BICC1: variants seen among roughly 807,000 people sequenced by gnomAD.
BICC1 encodes the protein protein bicaudal C homolog 1.
BICC1 carries 43 observed loss-of-function variants against 111.0 expected under a neutral mutation model. The observed-to-expected ratio is 0.39, with a 90% CI of 0.30 to 0.50. BICC1 has a LOEUF of 0.50. BICC1 is among the 20% of genes least tolerant of loss of function. The pLI, the probability that BICC1 is intolerant of heterozygous loss-of-function variation, is 0.88. For missense variants in BICC1, 1,091 were observed against 1,203.2 expected (o/e 0.91, Z 1.38); for synonymous variants, 467 against 434.4 (o/e 1.07, Z -0.93).
chr10:58,771,084 C>A (rs1393408395), intron 3 of BICC1, among the ~76,000 whole-genome samples: 1 of 152,106 alleles, frequency 6.6e-6, no homozygotes, highest in Non-Finnish European at 1.5e-5. Flanking sequence ...ATAGCCTATG[C>A]TAGAGATTGA....
rs557935049 is a variant in BICC1 at position 58,797,721 on chromosome 10, T to C, written c.1367-678T>C. On this transcript the variant is annotated intron_variant, in intron 10 of 20. Coordinates refer to ENST00000373886, the MANE Select transcript of BICC1 (RefSeq NM_001080512.3). ...CTTTATATGTATTCCTGGAAACTTG[T>C]ATACAAATCCACATTTCATTCTAGA... is the stretch of plus-strand genomic sequence containing the variant. Among the ~76,000 whole-genome samples, 278 of 152,336 alleles carry C rather than the reference T, an allele frequency of 1.8e-3. 1 individual carries two copies. Among genetic ancestry groups the C allele is most frequent in the Non-Finnish European group, 2.7e-3 (185 of 68,034 alleles).
intron 1 of BICC1, among the ~76,000 whole-genome samples, chr10:58,523,631 T>A (rs1450087869): frequency 2.0e-5 from 3 of 152,182 alleles, no homozygotes; most frequent in Non-Finnish European, 4.4e-5. Flanking sequence ...GCATTCCCTT[T>A]GAAAACTGGC....
At chr10:58,558,937 C>A (rs960728908) in intron 1 of BICC1, among the ~76,000 whole-genome samples, 4 of 151,994 alleles carry the variant, frequency 2.6e-5, no homozygotes, top group Admixed American at 2.6e-4. Flanking sequence ...TAATCACCTC[C>A]CAAAGTTCCA....
chr10:58,607,317 A>AAAATAAATAAATAAATAAATAAAT (rs370698110), intron 1 of BICC1, among the ~76,000 whole-genome samples: 22,210 of 134,448 alleles, frequency 0.17, 2,299 homozygotes, highest in African/African-American at 0.22. Context: ...ACTCTGTCTC[A>AAAATAAATAAATAAATAAATAAAT]AAATAAATAA....
intron 18 of BICC1, among the ~76,000 whole-genome samples, chr10:58,817,240 C>T (rs1195815934): frequency 6.6e-6 from 1 of 152,114 alleles, no homozygotes; most frequent in Non-Finnish European, 1.5e-5. Flanking sequence ...ATTTAATTCA[C>T]ATCCAATCAA....
chr10:58,734,983 GC>G (rs776697364), intron 3 of BICC1, among the ~76,000 whole-genome samples: 1 of 152,120 alleles, frequency 6.6e-6, no homozygotes, highest in African/African-American at 2.4e-5. Context: ...TAGTTGCCAT[GC>G]AAATTCTATT....
chr10:58,701,813 T>C (rs1840245259), intron 2 of BICC1, among the ~76,000 whole-genome samples: 1 of 152,160 alleles, frequency 6.6e-6, no homozygotes, highest in African/African-American at 2.4e-5. Flanking sequence ...GGTTTGTGTC[T>C]ATGTTAAAAT....
At chr10:58,645,428 A>G (rs1838240777) in intron 2 of BICC1, among the ~76,000 whole-genome samples, 1 of 151,394 alleles carries the variant, frequency 6.6e-6, no homozygotes, top group Non-Finnish European at 1.5e-5. Context: ...AAAAAAAAAA[A>G]AAAAAAAGAG....
intron 1 of BICC1, among the ~76,000 whole-genome samples, chr10:58,617,661 C>G (rs1322270419): frequency 6.6e-6 from 1 of 152,230 alleles, no homozygotes; most frequent in Non-Finnish European, 1.5e-5. Context: ...TGGTGATCAC[C>G]AAGGTGGTGA....
chr10:58,635,319 A>G (rs1156980142), intron 2 of BICC1, among the ~76,000 whole-genome samples: 2 of 152,238 alleles, frequency 1.3e-5, no homozygotes, highest in Non-Finnish European at 2.9e-5. Context: ...TGCATTTGTT[A>G]CAGAAATATG....
chr10:58,554,659 A>C (rs1387440659), intron 1 of BICC1, among the ~76,000 whole-genome samples: 3 of 152,084 alleles, frequency 2.0e-5, no homozygotes, highest in African/African-American at 7.2e-5. Context: ...TTTGTATAAT[A>C]AGAATTACTT....
chr10:58,596,992 A>G (rs539413498), intron 1 of BICC1, among the ~76,000 whole-genome samples: 40 of 152,366 alleles, frequency 2.6e-4, no homozygotes, highest in African/African-American at 8.9e-4. Context: ...AGTAATTTAT[A>G]CATTCAATGC....
chr10:58,785,633 C>T (rs560313523), intron 4 of BICC1, among the ~76,000 whole-genome samples: 12 of 152,138 alleles, frequency 7.9e-5, no homozygotes, highest in Non-Finnish European at 1.6e-4. Flanking sequence ...AATTTATACT[C>T]ATTTGTGAGA....
intron 3 of BICC1, among the ~76,000 whole-genome samples, chr10:58,738,648 G>T (rs2132592172): frequency 7.2e-6 from 1 of 139,194 alleles, no homozygotes; most frequent in Middle Eastern, 3.7e-3. Flanking sequence ...GCTTGATGGG[G>T]ATGGCATTGA....
chr10:58,658,024 G>GAT lies in BICC1; in HGVS notation c.237+37123_237+37124insAT, dbSNP rs139682846. 6.1e-4 allele frequency among the ~76,000 whole-genome samples: 3 copies of GAT among 4,936 alleles called. No individual in the cohort carries two copies. In the Admixed American group the frequency reaches 0.012, roughly 20 times the overall value. The allele number at this position is 4,936 out of a possible 152,430, so 3.2% of individuals were successfully genotyped here. Reference sequence around the variant, plus strand: ...TGTGTCAATCTGTCCTTCCACTAGTGGTAACTGTGATTACCTAACCAAGTT... The same window carrying GAT: ...TGTGTCAATCTGTCCTTCCACTAGTGATGTAACTGTGATTACCTAACCAAGTT... On this transcript the variant is annotated intron_variant, in intron 2 of 20. Transcript: ENST00000373886.
chr10:58,574,133 A>C (rs1844041382), intron 1 of BICC1, among the ~76,000 whole-genome samples: 1 of 152,116 alleles, frequency 6.6e-6, no homozygotes, highest in Admixed American at 6.6e-5. Context: ...CACTCCTGGG[A>C]GGAGGGTCAG....
Position 58,513,181 on chromosome 10 carries a change from A to G in BICC1, c.38A>G (p.Gln13Arg), listed in dbSNP as rs747643498. 3.8e-6 allele frequency: 6 copies of G among 1,581,266 alleles called. No individual in the cohort carries two copies. Among genetic ancestry groups the G allele is most frequent in the Non-Finnish European group, 5.1e-6 (6 of 1,166,180 alleles). The stretch of plus-strand genomic sequence containing the variant: ...GGAGAGCCCGGCTACCTGGCGGCGC[A>G]GTCGGACCCCGGCTCCAACAGCGAG... ...AQGEPGYLAAQSDPGSNSERS... is the reference protein window; with the variant it reads ...AQGEPGYLAARSDPGSNSERS... Residue 13 changes from glutamine (Q) to arginine (R), a missense_variant, in exon 1 of 21, where the codon CAG (glutamine) becomes CGG (arginine). Physicochemically the swap from Gln to Arg is conservative, Grantham distance 43. Transcript: ENST00000373886.
intron 1 of BICC1, among the ~76,000 whole-genome samples, chr10:58,552,000 T>C (rs1843309096): frequency 6.6e-6 from 1 of 152,114 alleles, no homozygotes; most frequent in Non-Finnish European, 1.5e-5. Flanking sequence ...TTTTTAGCTT[T>C]TTCTTTAATG....
chr10:58,763,565 C>T (rs1488539020), intron 3 of BICC1, among the ~76,000 whole-genome samples: 1 of 151,956 alleles, frequency 6.6e-6, no homozygotes, highest in Non-Finnish European at 1.5e-5. Flanking sequence ...CAGGAGAGAT[C>T]CTTGAGGAGT....
Sources: allele counts gnomAD v4.1 joint callset (sites outside exome capture counted in the v4.1 genomes callset), GRCh38; gene constraint gnomAD v4.1.1; transcripts MANE v1.5; gene names NCBI Gene and HGNC (gene_info 2026-07-23, HGNC 2026-07-21).